The following BNIP5 variants were observed in gnomAD, a reference collection of about 807,000 sequenced individuals.
BNIP5 encodes the protein BCL2 interacting protein 5, also known as protein BNIP5.
A neutral mutation model predicts 67.3 loss-of-function variants in BNIP5; 61 were observed. That is an observed-to-expected ratio of 0.91 (90% confidence interval 0.74 to 1.12). BNIP5 has a LOEUF of 1.12. Ranked by LOEUF, BNIP5 falls within the 50% of genes most tolerant of loss-of-function variation. The pLI, the probability that BNIP5 is intolerant of heterozygous loss-of-function variation, is 0.00. For missense variants in BNIP5, 826 were observed against 816.3 expected (o/e 1.01, Z -0.14); for synonymous variants, 317 against 319.0 (o/e 0.99, Z 0.07).
intron 11 of BNIP5, 95 bp from the exon 12 acceptor site, chr6:36,317,486 C>A: frequency 1.9e-6 from 2 of 1,030,320 alleles, no homozygotes; most frequent in Non-Finnish European, 3.1e-6. Flanking sequence ...CCATTGACAC[C>A]CCACCCCAGC....
chr6:36,323,377 T>G lies in BNIP5; in HGVS notation c.1387A>C (p.Ser463Arg), dbSNP rs1374509795. The G allele has an allele frequency of 1.9e-6, 3 of 1,614,164 alleles. No individual in the cohort carries two copies. The East Asian group carries it at 6.7e-5, about 36-fold the overall frequency. ...CTCTTGGGTCGTCGGGCCTCTGGGCTGGCAGCCCCTGCTGCCCCCGCTCTT... is the reference window on the plus strand; with the variant it reads ...CTCTTGGGTCGTCGGGCCTCTGGGCGGGCAGCCCCTGCTGCCCCCGCTCTT... ...PRRAGAAGAA[S>R]PEARRPKRPS... The change falls in exon 8 of 12, where the codon AGC (serine) becomes CGC (arginine). Residue 463 changes from serine (S) to arginine (R), a missense_variant. Coordinates refer to ENST00000437635, the MANE Select transcript of BNIP5 (RefSeq NM_001010903.5).
Position 36,324,195 on chromosome 6 carries a change from A to G in BNIP5, c.1169-5T>C. The G allele has an allele frequency of 6.2e-7, 1 of 1,612,908 alleles. No individual in the cohort carries two copies. Among genetic ancestry groups the G allele is most frequent in the South Asian group, 1.1e-5 (1 of 91,046 alleles). On this transcript the variant is annotated splice_polypyrimidine_tract_variant and splice_region_variant and intron_variant, in intron 6 of 11. Coordinates refer to ENST00000437635, the MANE Select transcript of BNIP5 (RefSeq NM_001010903.5). ...TGATCTTCTGAATGAATTCTTCTGA[A>G]AAAGATCAACACGCATGGTTAACTT...
intron 2 of BNIP5, among the ~76,000 whole-genome samples, chr6:36,329,630 G>A (rs976806878): frequency 6.6e-6 from 1 of 152,086 alleles, no homozygotes; most frequent in Non-Finnish European, 1.5e-5. Context: ...GGCCAACATG[G>A]TGAAACCCTG....
intron 2 of BNIP5, 58 bp downstream of exon 2, chr6:36,330,023 C>T: frequency 1.3e-6 from 2 of 1,510,844 alleles, no homozygotes; most frequent in Non-Finnish European, 1.8e-6. Flanking sequence ...GGAGAGGCTC[C>T]TGGAGCAAGT....
chr6:36,322,853 G>A (rs1291116390), intron 8 of BNIP5, among the ~76,000 whole-genome samples: 1 of 152,246 alleles, frequency 6.6e-6, no homozygotes, highest in African/African-American at 2.4e-5. Flanking sequence ...GCAGGTAGTA[G>A]GCACTCTGTG....
At chr6:36,326,896 G>C (rs1384215988) in intron 4 of BNIP5, 134 bp downstream of exon 4, 8 of 1,412,514 alleles carry the variant, frequency 5.7e-6, no homozygotes, top group Non-Finnish European at 8.0e-6. Flanking sequence ...GGAGGGCTGA[G>C]TTCTGAAGCT....
chr6:36,322,981 C>G (rs768034273), intron 8 of BNIP5, among the ~76,000 whole-genome samples: 1 of 152,208 alleles, frequency 6.6e-6, no homozygotes, highest in Non-Finnish European at 1.5e-5. Flanking sequence ...ATGAACTGGC[C>G]AGGTGATTCT....
Position 36,317,127 on chromosome 6 carries a change from C to G in BNIP5, c.*229G>C, listed in dbSNP as rs901214094. On this transcript the variant is annotated 3_prime_UTR_variant, in exon 12 of 12. Coordinates refer to ENST00000437635, the MANE Select transcript of BNIP5 (RefSeq NM_001010903.5). ...GGTAGAGCCCCAGTCTTCCTCATTC[C>G]CAGTCCAGTGCTGATTTCCCCAGAC... is the stretch of plus-strand genomic sequence containing the variant. 5.1e-6 allele frequency: 3 copies of G among 593,430 alleles called. No homozygotes were observed. The highest frequency in any genetic ancestry group is 3.7e-5 in the African/African-American group (2 of 53,402). 36.8% of individuals were successfully genotyped at this position (593,430 alleles called of 1,614,324 possible). A position where few individuals can be genotyped will look rare whatever the true frequency, so the allele number is the denominator to read the frequency against.
In BNIP5 at chr6:36,328,603, G is replaced by A. The variant is rs1427332952; in HGVS notation, c.722C>T (p.Pro241Leu). The change falls in exon 3 of 12, where the codon CCT (proline) becomes CTT (leucine). Residue 241 changes from proline (P) to leucine (L), a missense_variant. Coordinates refer to ENST00000437635, the MANE Select transcript of BNIP5 (RefSeq NM_001010903.5). ...CACTAGAGATTCCGACTCACGGTCA[G>A]GCTTTTTGAGCTCCTCTTCTTGCTG... ...GHQQEEELKK[P>L]DQDAIIQMIV... The A allele has an allele frequency of 6.2e-7, 1 of 1,608,776 alleles. No homozygotes were observed. Among genetic ancestry groups the A allele is most frequent in the East Asian group, 2.2e-5 (1 of 44,862 alleles).
At chr6:36,326,479 G>A in intron 5 of BNIP5, 31 bp downstream of exon 5, 3 of 1,612,542 alleles carry the variant, frequency 1.9e-6, no homozygotes, top group East Asian at 2.2e-5. Flanking sequence ...GCAGCTGCAG[G>A]GTTGCTATGG....
intron 1 of BNIP5, 48 bp from the exon 2 acceptor site, chr6:36,330,742 T>C: frequency 7.3e-6 from 11 of 1,511,238 alleles, no homozygotes; most frequent in East Asian, 2.3e-5. Flanking sequence ...TTGTTTGTTT[T>C]GATTTGTTTG....
rs756258415 is a variant in BNIP5 at position 36,323,415 on chromosome 6, G to A, written c.1349C>T (p.Ser450Phe). Residue 450 changes from serine (S) to phenylalanine (F), a missense_variant, in exon 8 of 12, where the codon TCC (serine) becomes TTC (phenylalanine). Coordinates refer to ENST00000437635, the MANE Select transcript of BNIP5 (RefSeq NM_001010903.5). ...TGCCCCCGCTCTTCTGGGTTCCTTG[G>A]AGGTGTGTTTCTTATGGTAAAACGC... ...RRAFYHKKHT[S>F]KEPRRAGAAG... 2.5e-6 allele frequency: 4 copies of A among 1,614,150 alleles called. No homozygotes were observed. The highest frequency in any genetic ancestry group is 3.4e-6 in the Non-Finnish European group (4 of 1,180,056).
chr6:36,326,006 C>T (rs556025451), intron 5 of BNIP5, among the ~76,000 whole-genome samples: 7 of 152,298 alleles, frequency 4.6e-5, no homozygotes, highest in African/African-American at 1.4e-4. Flanking sequence ...AGTTGTACTC[C>T]ATGTGATGGC....
At chr6:36,333,031 G>A (rs1011415230) in intron 1 of BNIP5, among the ~76,000 whole-genome samples, 4 of 152,226 alleles carry the variant, frequency 2.6e-5, no homozygotes, top group African/African-American at 9.7e-5. Context: ...GCTCAGCTTA[G>A]AGGCAAAAAT....
intron 2 of BNIP5, among the ~76,000 whole-genome samples, chr6:36,329,627 A>C (rs1259898174): frequency 6.6e-6 from 1 of 152,162 alleles, no homozygotes; most frequent in Non-Finnish European, 1.5e-5. Context: ...CCTGGCCAAC[A>C]TGGTGAAACC....
At chr6:36,318,042 C>G (rs1771557320) in intron 11 of BNIP5, among the ~76,000 whole-genome samples, 1 of 152,242 alleles carries the variant, frequency 6.6e-6, no homozygotes, top group East Asian at 1.9e-4. Context: ...GATTTCTGAC[C>G]AGGAAAATGA....
chr6:36,319,609 A>G lies in BNIP5; in HGVS notation c.1670T>C (p.Ile557Thr). 6 of 1,608,820 alleles carry G rather than the reference A, an allele frequency of 3.7e-6. No homozygotes were observed. Among genetic ancestry groups the G allele is most frequent in the Non-Finnish European group, 5.1e-6 (6 of 1,175,790 alleles). The part of the protein sequence containing the change: ...QEVDGQLGQQ[I>T]RRHPSFKRFF... ...CCTCTTAAAGCTGGGGTGGCGCCTG[A>G]TCTGGAAGTGGAAATGAAAACAGGT... Residue 557 changes from isoleucine (I) to threonine (T), a missense_variant and splice_region_variant, in exon 11 of 12, where the codon ATC (isoleucine) becomes ACC (threonine). Coordinates refer to ENST00000437635, the MANE Select transcript of BNIP5 (RefSeq NM_001010903.5).
At position 36,316,354 on chromosome 6, in the gene BNIP5, T is replaced by C; in HGVS notation, c.*1002A>G. The C allele has an allele frequency of 2.5e-6, 1 of 397,340 alleles. No homozygotes were observed. The highest frequency in any genetic ancestry group is 4.4e-6 in the Non-Finnish European group (1 of 225,786). The allele number at this position is 397,340 out of a possible 1,614,324, so 24.6% of individuals were successfully genotyped here. On this transcript the variant is annotated 3_prime_UTR_variant, in exon 12 of 12. Coordinates refer to ENST00000437635, the MANE Select transcript of BNIP5 (RefSeq NM_001010903.5). ...CACACCTGAGTCAAGCTATTGAAAC[T>C]GTTGAGCTATACAGAAGGCAGAGCC... is the stretch of plus-strand genomic sequence containing the variant.
intron 6 of BNIP5, 61 bp downstream of exon 6, chr6:36,325,222 G>C: frequency 6.4e-7 from 1 of 1,561,174 alleles, no homozygotes; most frequent in South Asian, 1.1e-5. Flanking sequence ...CTCTTTGCAA[G>C]TGGGGGAGTC....
Sources: gnomAD v4.1 joint callset for allele counts (sites outside exome capture counted in the v4.1 genomes callset) on GRCh38, gnomAD v4.1.1 for gene constraint, MANE v1.5 for transcripts, NCBI Gene and HGNC (gene_info 2026-07-23, HGNC 2026-07-21) for gene names.